Variants in PABPC4L observed in about 807,000 individuals in gnomAD.
PABPC4L encodes polyadenylate-binding protein 4-like.
For missense variants in PABPC4L, 452 were observed against 451.4 expected (o/e 1.00, Z -0.01); for synonymous variants, 169 against 164.1 (o/e 1.03, Z -0.23).
At chr4:134,050,688 G>A in the PABPC4L span, among the ~76,000 whole-genome samples, 3 of 105,508 alleles carry the variant, frequency 2.8e-5, no homozygotes, top group African/African-American at 1.2e-4. Flanking sequence ...CTGAGCAACA[G>A]AACAAGACAC....
the PABPC4L span, among the ~76,000 whole-genome samples, chr4:134,054,426 T>G: frequency 6.6e-6 from 1 of 151,382 alleles, no homozygotes; most frequent in African/African-American, 2.4e-5. Flanking sequence ...AATGATAACA[T>G]CTTAATAACT....
At chr4:133,967,264 C>T in the PABPC4L span, among the ~76,000 whole-genome samples, 2,662 of 152,020 alleles carry the variant, frequency 0.018, 76 homozygotes, top group African/African-American at 0.061. Context: ...TAAGGCCAGA[C>T]GCTCAAGACC....
the PABPC4L span, among the ~76,000 whole-genome samples, chr4:134,045,238 G>T: frequency 1.3e-4 from 20 of 152,148 alleles, no homozygotes; most frequent in Admixed American, 5.2e-4. Flanking sequence ...TATTAGTGAA[G>T]ATCTATTATA....
At chr4:134,085,823 C>A in the PABPC4L span, among the ~76,000 whole-genome samples, 1 of 152,050 alleles carries the variant, frequency 6.6e-6, no homozygotes, top group African/African-American at 2.4e-5. Context: ...CATATGTGTT[C>A]TTTTCAGTTT....
chr4:134,146,806 A>G, the PABPC4L span, among the ~76,000 whole-genome samples: 2 of 152,080 alleles, frequency 1.3e-5, no homozygotes, highest in Non-Finnish European at 2.9e-5. Flanking sequence ...GATTGGTTAC[A>G]AGGCATCATT....
chr4:134,010,743 C>T, the PABPC4L span: 10 of 152,232 alleles, frequency 6.6e-5, no homozygotes, highest in African/African-American at 2.2e-4. Flanking sequence ...ATGTAAATCT[C>T]TTCTACCCAC....
At chr4:134,150,193 C>T in the PABPC4L span, among the ~76,000 whole-genome samples, 1 of 151,512 alleles carries the variant, frequency 6.6e-6, no homozygotes, top group Non-Finnish European at 1.5e-5. Context: ...AGCGATTCTC[C>T]CTGCCTCAGC....
chr4:134,189,331 C>T, the PABPC4L span, among the ~76,000 whole-genome samples: 3 of 151,336 alleles, frequency 2.0e-5, no homozygotes, highest in East Asian at 1.9e-4. Context: ...TTGCATTTTG[C>T]CATTTAGTAT....
the PABPC4L span, among the ~76,000 whole-genome samples, chr4:134,047,070 C>T: frequency 1.3e-5 from 2 of 152,188 alleles, no homozygotes; most frequent in Non-Finnish European, 2.9e-5. Context: ...GCATGCCTTC[C>T]TTTCTGCCAC....
At chr4:134,129,464 T>C in the PABPC4L span, among the ~76,000 whole-genome samples, 1 of 152,074 alleles carries the variant, frequency 6.6e-6, no homozygotes, top group African/African-American at 2.4e-5. Context: ...GTCAAAATTA[T>C]ATCAAGTACT....
At chr4:134,020,620 A>C in the PABPC4L span, among the ~76,000 whole-genome samples, 3 of 152,000 alleles carry the variant, frequency 2.0e-5, no homozygotes, top group African/African-American at 7.2e-5. Flanking sequence ...TGTCTCTGAC[A>C]CCACTATTCC....
At chr4:134,179,008 A>G in the PABPC4L span, among the ~76,000 whole-genome samples, 3 of 152,196 alleles carry the variant, frequency 2.0e-5, 1 homozygote, top group South Asian at 6.2e-4. Flanking sequence ...TCCCAACCTC[A>G]CCAGAGAGGC....
the PABPC4L span, among the ~76,000 whole-genome samples, chr4:133,993,927 C>G: frequency 3.3e-5 from 5 of 152,084 alleles, no homozygotes; most frequent in African/African-American, 1.2e-4. Context: ...TGAGGGCTGT[C>G]TCAAGGTTCT....
the PABPC4L span, among the ~76,000 whole-genome samples, chr4:134,064,664 C>T: frequency 6.6e-6 from 1 of 152,030 alleles, no homozygotes; most frequent in East Asian, 1.9e-4. Flanking sequence ...AAGTGCATGT[C>T]ACAGGAGTTT....
the PABPC4L span, among the ~76,000 whole-genome samples, chr4:134,167,926 A>G: frequency 6.6e-6 from 1 of 152,058 alleles, no homozygotes; most frequent in Non-Finnish European, 1.5e-5. Context: ...ATTCTGTACT[A>G]TAGAACAAAT....
rs1379050070 is a variant in PABPC4L at position 134,201,246 on chromosome 4, C to A, written c.-226-1G>T. On this transcript the variant is annotated splice_acceptor_variant, in intron 1 of 1. Coordinates refer to ENST00000421491, the MANE Select transcript of PABPC4L (RefSeq NM_001114734.2). LOFTEE classifies it low-confidence loss of function (5UTR_SPLICE). The stretch of plus-strand genomic sequence containing the variant: ...GCCCTCCTAGGACGCGGCAACAGAA[C>A]TGTGAAATCGCAAAGAGAGATTATT... 14 of 1,524,348 alleles carry A rather than the reference C, an allele frequency of 9.2e-6. No homozygotes were observed. The highest frequency in any genetic ancestry group is 1.2e-5 in the Non-Finnish European group (14 of 1,132,672). 94.4% of individuals were successfully genotyped at this position (1,524,348 alleles called of 1,614,324 possible).
At chr4:134,020,598 C>T in the PABPC4L span, among the ~76,000 whole-genome samples, 1 of 152,002 alleles carries the variant, frequency 6.6e-6, no homozygotes, top group Non-Finnish European at 1.5e-5. Flanking sequence ...GATGGAGTTG[C>T]TCTGGTTTGA....
the PABPC4L span, among the ~76,000 whole-genome samples, chr4:133,977,206 TGAA>T: frequency 6.6e-6 from 1 of 152,064 alleles, no homozygotes; most frequent in Non-Finnish European, 1.5e-5. Flanking sequence ...TCTTGTTTGT[TGAA>T]GATCAGATCG....
At chr4:134,074,089 C>A in the PABPC4L span, among the ~76,000 whole-genome samples, 1 of 152,342 alleles carries the variant, frequency 6.6e-6, no homozygotes, top group African/African-American at 2.4e-5. Context: ...GCTTGAATTT[C>A]TTTCCAGAAA....
Sources: allele counts gnomAD v4.1 joint callset (sites outside exome capture counted in the v4.1 genomes callset), GRCh38; gene constraint gnomAD v4.1.1; transcripts MANE v1.5; gene names NCBI Gene and HGNC (gene_info 2026-07-23, HGNC 2026-07-21).